Variants in TNR observed in about 807,000 individuals in gnomAD.
The protein encoded by TNR is tenascin-R.
A neutral mutation model predicts 150.4 loss-of-function variants in TNR; 45 were observed. The observed-to-expected ratio is 0.30, with a 90% CI of 0.24 to 0.38. The LOEUF is 0.38. Among genes scored for constraint, TNR ranks in the 10% least tolerant of loss-of-function variants. TNR has a pLI of 1.00. For synonymous variants in TNR, 687 were observed against 678.4 expected (o/e 1.01, Z -0.20); for missense variants, 1,544 against 1,759.1 (o/e 0.88, Z 2.19).
chr1:175,629,511 G>A lies in TNR; in HGVS notation c.-164-101142C>T, dbSNP rs188258570. Among the ~76,000 whole-genome samples, 128 of 152,260 alleles carry A rather than the reference G, an allele frequency of 8.4e-4. No homozygotes were observed. The Middle Eastern group carries it at 0.017, about 20-fold the overall frequency. On this transcript the variant is annotated intron_variant, in intron 1 of 22. Transcript: ENST00000367674. ...TTTTTTTTCTGTATAGAGATGTGGGGGAGGGGTGAGAAGAGGGGACAGGTG... is the reference window on the plus strand; with the variant it reads ...TTTTTTTTCTGTATAGAGATGTGGGAGAGGGGTGAGAAGAGGGGACAGGTG...
intron 1 of TNR, among the ~76,000 whole-genome samples, chr1:175,616,184 G>A (rs1663767154): frequency 6.6e-6 from 1 of 152,126 alleles, no homozygotes; most frequent in Admixed American, 6.5e-5. Flanking sequence ...CAGGGGTTCT[G>A]TTCAGAAGTA....
At chr1:175,328,530 A>G (rs1649539931) in intron 21 of TNR, among the ~76,000 whole-genome samples, 1 of 152,212 alleles carries the variant, frequency 6.6e-6, no homozygotes, top group African/African-American at 2.4e-5. Flanking sequence ...AGAAAGAACA[A>G]CCATTGTGTG....
At chr1:175,416,660 A>T (rs777411663) in intron 2 of TNR, among the ~76,000 whole-genome samples, 5 of 152,154 alleles carry the variant, frequency 3.3e-5, no homozygotes, top group African/African-American at 7.2e-5. Context: ...GCCCAAGTTG[A>T]TGGTTTCTGT....
At chr1:175,572,580 G>C (rs1186256362) in intron 1 of TNR, among the ~76,000 whole-genome samples, 1 of 151,936 alleles carries the variant, frequency 6.6e-6, no homozygotes, top group South Asian at 2.1e-4. Context: ...ATCCATCTGT[G>C]GTGTTTGTGT....
intron 1 of TNR, among the ~76,000 whole-genome samples, chr1:175,718,763 G>A (rs1045587784): frequency 2.2e-4 from 33 of 151,748 alleles, no homozygotes; most frequent in African/African-American, 7.3e-4. Context: ...ACAGAAGCCC[G>A]GGGGATTATA....
chr1:175,517,395 A>T (rs1300585439), intron 2 of TNR, among the ~76,000 whole-genome samples: 1 of 152,120 alleles, frequency 6.6e-6, no homozygotes, highest in East Asian at 1.9e-4. Context: ...CAGGTGGAGG[A>T]TGATTTTTTT....
At chr1:175,480,525 C>T (rs1236934745) in intron 2 of TNR, among the ~76,000 whole-genome samples, 1 of 152,144 alleles carries the variant, frequency 6.6e-6, no homozygotes, top group East Asian at 1.9e-4. Flanking sequence ...TCCACAGTCT[C>T]ATTTATAGCC....
intron 9 of TNR, among the ~76,000 whole-genome samples, chr1:175,377,737 G>A (rs761475199): frequency 5.9e-4 from 90 of 152,220 alleles, no homozygotes; most frequent in Non-Finnish European, 1.5e-4. Context: ...CTTGTTTACC[G>A]TATGCACTCT....
At chr1:175,593,395 C>T (rs966518262) in intron 1 of TNR, among the ~76,000 whole-genome samples, 4 of 122,930 alleles carry the variant, frequency 3.3e-5, no homozygotes, top group African/African-American at 6.2e-5. Flanking sequence ...GTAGATCAAT[C>T]GGAACCAACC....
chr1:175,359,853 T>C (rs2102009406), intron 14 of TNR, 122 bp from the exon 15 acceptor site: 1 of 1,268,946 alleles, frequency 7.9e-7, no homozygotes, highest in South Asian at 1.6e-5. Context: ...AACAAAGAAG[T>C]GAGCAGAAAC....
At chr1:175,455,774 G>T (rs555367751) in intron 2 of TNR, among the ~76,000 whole-genome samples, 10 of 152,174 alleles carry the variant, frequency 6.6e-5, no homozygotes, top group Non-Finnish European at 1.3e-4. Flanking sequence ...TCCCACCTGG[G>T]CTCCTTGTCA....
chr1:175,666,990 C>T (rs1254154194), intron 1 of TNR, among the ~76,000 whole-genome samples: 2 of 152,078 alleles, frequency 1.3e-5, no homozygotes, highest in African/African-American at 2.4e-5. Flanking sequence ...TGGCCTCAAG[C>T]GATCTTCCTG....
rs370797110 is a variant in TNR at position 175,642,038 on chromosome 1, A to AC, written c.-165+101187dup. 5.8e-4 allele frequency among the ~76,000 whole-genome samples: 89 copies of AC among 152,324 alleles called. 1 individual carries two copies. The highest frequency in any genetic ancestry group is 2.0e-3 in the African/African-American group (82 of 41,572). ...ATAATCAGAGGAGACAGAGAGGCAG[A>AC]CCCGGTAATCCTAATCCACAACCAT... On this transcript the variant is annotated intron_variant, in intron 1 of 22. Transcript: ENST00000367674.
intron 2 of TNR, among the ~76,000 whole-genome samples, chr1:175,437,610 A>G (rs1223686761): frequency 2.0e-5 from 3 of 152,218 alleles, no homozygotes; most frequent in Non-Finnish European, 4.4e-5. Context: ...GAAAAGATCA[A>G]CAAAATTGAT....
At chr1:175,356,569 G>GA (rs1482379371) in intron 15 of TNR, 107 bp from the exon 16 acceptor site, 10 of 1,379,690 alleles carry the variant, frequency 7.2e-6, no homozygotes, top group Admixed American at 2.4e-5. Context: ...GAGAATTTTG[G>GA]AAAAAAATCT....
Position 175,599,298 on chromosome 1 carries a change from C to T in TNR, c.-164-70929G>A, listed in dbSNP as rs1663132907. Among the ~76,000 whole-genome samples the T allele has an allele frequency of 1.3e-5, 2 of 152,198 alleles. No homozygotes were observed. The highest frequency in any genetic ancestry group is 4.8e-5 in the African/African-American group (2 of 41,460). ...GTTTGCCCACCGCGAAGAGCAGTGG[C>T]GGAGACATCGCAGCAACGCTAACGG... On this transcript the variant is annotated intron_variant, in intron 1 of 22. Coordinates refer to ENST00000367674, the MANE Select transcript of TNR (RefSeq NM_003285.3). This position sits in a 1 kb window ranked among gnomAD's most constrained non-coding sequence, Gnocchi z 4.7.
At chr1:175,615,253 G>A (rs568802900) in intron 1 of TNR, among the ~76,000 whole-genome samples, 1 of 152,340 alleles carries the variant, frequency 6.6e-6, no homozygotes, top group South Asian at 2.1e-4. Flanking sequence ...GAAGGGGAGG[G>A]AGGATTCTTG....
intron 1 of TNR, among the ~76,000 whole-genome samples, chr1:175,690,814 G>A (rs988545266): frequency 6.6e-6 from 1 of 152,210 alleles, no homozygotes; most frequent in African/African-American, 2.4e-5. Context: ...TGGCAGCTGA[G>A]GGAAGGGTGG....
intron 21 of TNR, 77 bp from the exon 22 acceptor site, chr1:175,324,596 TC>T: frequency 6.5e-7 from 1 of 1,530,596 alleles, no homozygotes; most frequent in Non-Finnish European, 8.9e-7. Flanking sequence ...TTGACCCACT[TC>T]CAGCAAACCT....
Sources: gnomAD v4.1 joint callset for allele counts (sites outside exome capture counted in the v4.1 genomes callset) on GRCh38, gnomAD v4.1.1 for gene constraint, Gnocchi (gnomAD v3.1) non-coding constraint, MANE v1.5 for transcripts, NCBI Gene and HGNC (gene_info 2026-07-23, HGNC 2026-07-21) for gene names.